Variants in ZNF385B observed in about 807,000 individuals in gnomAD.
ZNF385B encodes the protein zinc finger protein 385B.
A neutral mutation model predicts 39.2 loss-of-function variants in ZNF385B; 23 were observed. That is an observed-to-expected ratio of 0.59 (90% CI 0.42 to 0.83). ZNF385B has a LOEUF of 0.83. Ranked by LOEUF, ZNF385B falls within the 40% of genes least tolerant of loss-of-function variation. The probability of loss-of-function intolerance (pLI) is 0.00; values close to 1 mark genes in which losing one functional copy is unlikely to be tolerated. For synonymous variants in ZNF385B, 205 were observed against 222.6 expected, an observed-to-expected ratio of 0.92 and a Z score of 0.70; for missense variants, 552 against 598.9, an observed-to-expected ratio of 0.92 and a Z score of 0.82.
intron 3 of ZNF385B, among the ~76,000 whole-genome samples, chr2:179,694,920 A>C (rs1158542183): frequency 6.6e-6 from 1 of 151,390 alleles, no homozygotes; most frequent in Non-Finnish European, 1.5e-5. Context: ...ACAGAGTGAG[A>C]CTCCATCTCA....
At chr2:179,808,687 A>G (rs985051751) in intron 1 of ZNF385B, among the ~76,000 whole-genome samples, 4 of 152,138 alleles carry the variant, frequency 2.6e-5, no homozygotes, top group African/African-American at 9.7e-5. Context: ...TTCATCGAAG[A>G]CCTTTTTTGA....
chr2:179,648,944 T>A (rs888429827), intron 3 of ZNF385B, among the ~76,000 whole-genome samples: 1 of 152,190 alleles, frequency 6.6e-6, no homozygotes, highest in Non-Finnish European at 1.5e-5. Context: ...AAAATGCTTA[T>A]TAATTATAAA....
intron 3 of ZNF385B, among the ~76,000 whole-genome samples, chr2:179,615,360 C>T (rs748853286): frequency 6.6e-6 from 1 of 152,080 alleles, no homozygotes; most frequent in African/African-American, 2.4e-5. Flanking sequence ...GTCCTTGTAC[C>T]AGCAGGAGAA....
intron 3 of ZNF385B, among the ~76,000 whole-genome samples, chr2:179,553,688 C>CT (rs1298635997): frequency 6.7e-6 from 1 of 149,082 alleles, no homozygotes; most frequent in Non-Finnish European, 1.5e-5. Context: ...ATATGTAAAG[C>CT]TGTTACATGA....
At position 179,756,316 on chromosome 2, in the gene ZNF385B, C is replaced by T. The variant is rs545505800; in HGVS notation, c.298+13187G>A. On this transcript the variant is annotated intron_variant, in intron 3 of 9. Transcript: ENST00000410066. The stretch of plus-strand genomic sequence containing the variant: ...AATGTCAAATATTGGCACCCACTCT[C>T]TTCTGGCTTGTAGAGTTTCTGCCAA... 1.1e-4 allele frequency among the ~76,000 whole-genome samples: 16 copies of T among 152,340 alleles called. 1 individual carries two copies. In the South Asian group the frequency reaches 3.3e-3, roughly 32 times the overall value.
chr2:179,592,853 C>A (rs17767480), intron 3 of ZNF385B, among the ~76,000 whole-genome samples: 37,488 of 151,976 alleles, frequency 0.25, 5,723 homozygotes, highest in Non-Finnish European at 0.33. Flanking sequence ...TTATTGAGAG[C>A]AGGCCCCAAT....
At chr2:179,744,013 G>A (rs989485029) in intron 3 of ZNF385B, among the ~76,000 whole-genome samples, 1 of 152,074 alleles carries the variant, frequency 6.6e-6, no homozygotes, top group African/African-American at 2.4e-5. Flanking sequence ...GCTCTAGGAT[G>A]CATTACCAGG....
chr2:179,769,938 T>G (rs996156483), intron 2 of ZNF385B, 136 bp from the exon 3 acceptor site: 1 of 763,064 alleles, frequency 1.3e-6, no homozygotes, highest in African/African-American at 1.8e-5. Context: ...AGAAAAAAAA[T>G]CATCAAAAGT....
intron 3 of ZNF385B, among the ~76,000 whole-genome samples, chr2:179,632,599 G>A (rs1434919751): frequency 1.3e-5 from 2 of 152,156 alleles, no homozygotes; most frequent in Non-Finnish European, 2.9e-5. Flanking sequence ...AGAGAAGGCA[G>A]GAAAGATCTC....
intron 1 of ZNF385B, among the ~76,000 whole-genome samples, chr2:179,856,119 CTGAAG>C (rs1276710869): frequency 6.6e-6 from 1 of 152,082 alleles, no homozygotes; most frequent in African/African-American, 2.4e-5. Flanking sequence ...TCTAAAGTTC[CTGAAG>C]TGATTACAGT....
intron 3 of ZNF385B, among the ~76,000 whole-genome samples, chr2:179,663,737 A>AAAAAAAAAAAAAAAC (rs1559052895): frequency 6.6e-6 from 1 of 151,370 alleles, no homozygotes; most frequent in African/African-American, 2.4e-5. Flanking sequence ...AAAAAAAAAA[A>AAAAAAAAAAAAAAAC]ATCTCATGAA....
At chr2:179,719,363 G>A (rs1700536866) in intron 3 of ZNF385B, among the ~76,000 whole-genome samples, 1 of 152,178 alleles carries the variant, frequency 6.6e-6, no homozygotes, top group Non-Finnish European at 1.5e-5. Flanking sequence ...CTGCACCCAG[G>A]TGAAAGGTGT....
intron 3 of ZNF385B, among the ~76,000 whole-genome samples, chr2:179,610,005 G>A (rs1271945790): frequency 1.3e-5 from 2 of 152,090 alleles, no homozygotes; most frequent in East Asian, 3.8e-4. Flanking sequence ...CTTCCATTTT[G>A]TGGGTAATCT....
intron 3 of ZNF385B, among the ~76,000 whole-genome samples, chr2:179,697,109 G>A (rs1698825492): frequency 6.6e-6 from 1 of 152,138 alleles, no homozygotes; most frequent in African/African-American, 2.4e-5. Context: ...ACCCCTTGAA[G>A]TCTGATTTAA....
intron 3 of ZNF385B, among the ~76,000 whole-genome samples, chr2:179,610,077 T>G (rs978974637): frequency 6.6e-6 from 1 of 152,192 alleles, no homozygotes; most frequent in African/African-American, 2.4e-5. Context: ...ATGATCTCAT[T>G]TGTTCATTTT....
At chr2:179,772,513 CA>C (rs934405212) in intron 1 of ZNF385B, among the ~76,000 whole-genome samples, 1 of 152,148 alleles carries the variant, frequency 6.6e-6, no homozygotes, top group African/African-American at 2.4e-5. Flanking sequence ...CACTTGCAAC[CA>C]AAGTATATTT....
intron 3 of ZNF385B, among the ~76,000 whole-genome samples, chr2:179,581,187 G>C (rs1203951565): frequency 1.3e-5 from 2 of 152,138 alleles, no homozygotes; most frequent in Non-Finnish European, 2.9e-5. Flanking sequence ...TATGATTACA[G>C]AATTTACAAC....
intron 1 of ZNF385B, among the ~76,000 whole-genome samples, chr2:179,824,572 A>T (rs921001470): frequency 3.3e-5 from 5 of 152,200 alleles, no homozygotes; most frequent in African/African-American, 9.6e-5. Context: ...TCAAAATGAC[A>T]AGAAGAAAAT....
chr2:179,782,033 AAGG>A (rs1326158798), intron 1 of ZNF385B, among the ~76,000 whole-genome samples: 14 of 152,162 alleles, frequency 9.2e-5, no homozygotes, highest in Non-Finnish European at 4.4e-5. Flanking sequence ...ATACACAGAA[AAGG>A]AAACTTTCAG....
Sources: allele counts gnomAD v4.1 joint callset (sites outside exome capture counted in the v4.1 genomes callset), GRCh38; gene constraint gnomAD v4.1.1; transcripts MANE v1.5; gene names NCBI Gene and HGNC (gene_info 2026-07-23, HGNC 2026-07-21).